The following OR1L8 variants were observed in gnomAD, a reference collection of about 807,000 sequenced individuals.
OR1L8 encodes the protein olfactory receptor 1L8.
For missense variants in OR1L8, 330 were observed against 377.4 expected, an observed-to-expected ratio of 0.87 and a Z score of 1.04; for synonymous variants, 148 against 147.0, an observed-to-expected ratio of 1.01 and a Z score of -0.05.
At chr9:122,573,491 T>A (rs866615910) in intron 3 of OR1L8, among the ~76,000 whole-genome samples, 8 of 152,238 alleles carry the variant, frequency 5.3e-5, no homozygotes, top group Non-Finnish European at 7.3e-5. Flanking sequence ...ATTTCCCAGA[T>A]GACATGAGAT....
At chr9:122,566,007 T>G (rs1829421877), downstream of OR1L8, among the ~76,000 whole-genome samples, 1 of 152,136 alleles carries the variant, frequency 6.6e-6, no homozygotes, top group South Asian at 2.1e-4. Flanking sequence ...CTATGGAGTA[T>G]GATCCAATGA....
chr9:122,554,467 T>C, the OR1L8 span, among the ~76,000 whole-genome samples: 7 of 152,142 alleles, frequency 4.6e-5, no homozygotes, highest in Non-Finnish European at 1.0e-4. Context: ...TATGAGGCTC[T>C]GGAGCTGAGC....
At position 122,568,416 on chromosome 9, in the gene OR1L8, C is replaced by T. The variant is rs1344222880; in HGVS notation, c.62G>A (p.Arg21Gln). The change falls in exon 5 of 5, where the codon CGG becomes CAG. Residue 21 changes from arginine (R) to glutamine (Q), a missense_variant. Transcript: ENST00000641027. ...AAAGAGTGTCTTTTGGTCCTCAGGCCGGGAGGAGAGTCCCAGGAGGATAAA... is the reference window on the plus strand; with the variant it reads ...AAAGAGTGTCTTTTGGTCCTCAGGCTGGGAGGAGAGTCCCAGGAGGATAAA... ...SEFILLGLSS[R>Q]PEDQKTLFVL... 19 of 1,613,102 alleles carry T rather than the reference C, an allele frequency of 1.2e-5. No homozygotes were observed. The highest frequency in any genetic ancestry group is 2.7e-5 in the African/African-American group (2 of 74,844).
Position 122,568,346 on chromosome 9 carries a change from C to A in OR1L8, c.132G>T (p.Leu44=), listed in dbSNP as rs1388789697. 2 of 1,614,072 alleles carry A rather than the reference C, an allele frequency of 1.2e-6. No homozygotes were observed. The highest frequency in any genetic ancestry group is 1.7e-6 in the Non-Finnish European group (2 of 1,179,984). ...IVYLVTITGN[L]LIILAIRFNP... is the part of the protein sequence containing the mutation. ...TGAAGCGAATGGCCAGGATGATGAG[C>A]AGGTTCCCTGTTATGGTGACCAGGT... Residue 44 remains leucine, a synonymous_variant, in exon 5 of 5, where the codon CTG becomes CTT. Coordinates refer to ENST00000641027, the MANE Select transcript of OR1L8 (RefSeq NM_001004454.2).
Position 122,567,707 on chromosome 9 carries a change from G to A in OR1L8, c.771C>T (p.Phe257=), listed in dbSNP as rs1829456580. 4 of 1,613,974 alleles carry A rather than the reference G, an allele frequency of 2.5e-6. No homozygotes were observed. Among genetic ancestry groups the A allele is most frequent in the Non-Finnish European group, 2.5e-6 (3 of 1,180,016 alleles). The change falls in exon 5 of 5, where the codon TTC becomes TTT. Residue 257 remains phenylalanine (F), a synonymous_variant. Transcript: ENST00000641027. ...TVVTLFYGSI[F]CVYLQPPSTY... is the part of the protein sequence containing the mutation. ...TGGATGGGGGCTGTAAATAGACACAGAAGATGCTTCCATAAAAGAGCGTCA... is the reference window on the plus strand; with the variant it reads ...TGGATGGGGGCTGTAAATAGACACAAAAGATGCTTCCATAAAAGAGCGTCA...
At chr9:122,556,761 C>T in the OR1L8 span, among the ~76,000 whole-genome samples, 3 of 152,126 alleles carry the variant, frequency 2.0e-5, no homozygotes, top group African/African-American at 7.2e-5. Context: ...TCTTTTGCCT[C>T]TCTGCATTTT....
chr9:122,551,684 G>C, the OR1L8 span, among the ~76,000 whole-genome samples: 35,090 of 151,890 alleles, frequency 0.23, 4,229 homozygotes, highest in Middle Eastern at 0.29. Context: ...GGGAAAGAGA[G>C]GTCCTCAGCT....
the OR1L8 span, chr9:122,553,881 A>G: frequency 2.5e-6 from 4 of 1,613,036 alleles, no homozygotes; most frequent in Non-Finnish European, 2.5e-6. Flanking sequence ...CTATGTCCGC[A>G]TTTTCTGGGC....
chr9:122,552,749 AGTGTGTGTGTGTGTGTGTGTGT>A, the OR1L8 span, among the ~76,000 whole-genome samples: 31,908 of 129,790 alleles, frequency 0.25, 3,665 homozygotes, highest in Middle Eastern at 0.35. Context: ...AGAGGGCTTG[AGTGTGTGTGTGTGTGTGTGTGT>A]GTGTGTGTGT....
the OR1L8 span, among the ~76,000 whole-genome samples, chr9:122,547,525 C>A: frequency 2.9e-3 from 447 of 152,006 alleles, 3 homozygotes; most frequent in African/African-American, 9.9e-3. Flanking sequence ...ATCCCTCAGC[C>A]CCCTCCCACC....
downstream of OR1L8, chr9:122,566,968 G>A (rs989084683): frequency 3.3e-5 from 5 of 151,566 alleles, no homozygotes; most frequent in Non-Finnish European, 4.4e-5. Flanking sequence ...GAAATTAAAA[G>A]TAAATAAAAC....
intron 1 of OR1L8, among the ~76,000 whole-genome samples, chr9:122,580,783 T>C (rs1401057548): frequency 6.6e-6 from 1 of 152,140 alleles, no homozygotes; most frequent in Non-Finnish European, 1.5e-5. Flanking sequence ...TATTTGTTTT[T>C]TGTTTTGGGG....
the OR1L8 span, among the ~76,000 whole-genome samples, chr9:122,555,265 C>T: frequency 2.6e-5 from 4 of 152,200 alleles, no homozygotes; most frequent in South Asian, 8.3e-4. Flanking sequence ...ATAAATATTG[C>T]TTAAGGATCT....
chr9:122,565,005 AC>A (rs891050858), downstream of OR1L8, among the ~76,000 whole-genome samples: 26 of 152,354 alleles, frequency 1.7e-4, no homozygotes, highest in Admixed American at 3.3e-4. Context: ...GTCAAAAAGT[AC>A]AAATAAATCT....
intron 2 of OR1L8, among the ~76,000 whole-genome samples, chr9:122,577,400 A>C (rs527340609): frequency 6.6e-6 from 1 of 152,224 alleles, no homozygotes; most frequent in Non-Finnish European, 1.5e-5. Flanking sequence ...TGACCTCCAC[A>C]TACAAAAATC....
At chr9:122,582,266 T>TC (rs1435712615) in intron 1 of OR1L8, among the ~76,000 whole-genome samples, 1 of 152,172 alleles carries the variant, frequency 6.6e-6, no homozygotes, top group African/African-American at 2.4e-5. Context: ...GAGAATACAC[T>TC]CAAACTGCAT....
the OR1L8 span, chr9:122,553,962 G>T: frequency 6.2e-7 from 1 of 1,613,698 alleles, no homozygotes; most frequent in African/African-American, 1.3e-5. Context: ...TCTCACGGTG[G>T]TTCTGCTCTT....
intron 1 of OR1L8, among the ~76,000 whole-genome samples, chr9:122,581,828 C>G (rs1026516756): frequency 2.0e-5 from 3 of 152,028 alleles, no homozygotes; most frequent in Middle Eastern, 6.4e-3. Flanking sequence ...ACATCAATTG[C>G]TTGAACCCAA....
intron 3 of OR1L8, among the ~76,000 whole-genome samples, chr9:122,574,034 C>T (rs753509715): frequency 2.0e-5 from 3 of 152,072 alleles, no homozygotes; most frequent in Non-Finnish European, 2.9e-5. Flanking sequence ...AAGATAGTTG[C>T]GTGGGTCTAT....
Sources: gnomAD v4.1 joint callset for allele counts (sites outside exome capture counted in the v4.1 genomes callset) on GRCh38, gnomAD v4.1.1 for gene constraint, MANE v1.5 for transcripts, NCBI Gene and HGNC (gene_info 2026-07-23, HGNC 2026-07-21) for gene names.